NEDD4L: variants seen among roughly 807,000 people sequenced by gnomAD.
NEDD4L encodes the protein E3 ubiquitin-protein ligase NEDD4-like.
Under a neutral mutation model 148.9 loss-of-function variants are expected in NEDD4L, and 54 were observed. The observed-to-expected ratio is 0.36, with a 90% CI of 0.29 to 0.45. NEDD4L has a LOEUF of 0.45. Ranked by LOEUF, NEDD4L falls within the 20% of genes least tolerant of loss-of-function variation. The pLI is 1.00. For missense variants in NEDD4L, 856 were observed against 1,233.8 expected (o/e 0.69, Z 4.59); for synonymous variants, 433 against 440.7 (o/e 0.98, Z 0.22).
At chr18:58,093,569 A>G (rs544116749) in intron 1 of NEDD4L, among the ~76,000 whole-genome samples, 9 of 152,330 alleles carry the variant, frequency 5.9e-5, no homozygotes, top group African/African-American at 1.9e-4. Flanking sequence ...CCTTCAATTC[A>G]CTACTGTGCG....
chr18:58,224,468 G>C (rs1225832912), intron 2 of NEDD4L, among the ~76,000 whole-genome samples: 1 of 152,186 alleles, frequency 6.6e-6, no homozygotes, highest in Non-Finnish European at 1.5e-5. Flanking sequence ...AGGAAATGGC[G>C]TGGCAGGCTT....
intron 17 of NEDD4L, among the ~76,000 whole-genome samples, chr18:58,349,885 C>A (rs1408513428): frequency 6.6e-6 from 1 of 152,174 alleles, no homozygotes; most frequent in Non-Finnish European, 1.5e-5. Flanking sequence ...ACGTTCTCTG[C>A]AGGTGACAAT....
chr18:58,082,102 A>ATATATAT, intron 1 of NEDD4L, among the ~76,000 whole-genome samples: 35 of 48,830 alleles, frequency 7.2e-4, no homozygotes, highest in African/African-American at 4.3e-3. Flanking sequence ...ATATATATAT[A>ATATATAT]TTTTTTTTTT....
chr18:58,209,637 C>T (rs140810589), intron 2 of NEDD4L, among the ~76,000 whole-genome samples: 287 of 150,490 alleles, frequency 1.9e-3, no homozygotes, highest in African/African-American at 6.5e-3. Flanking sequence ...AAAAGACCTA[C>T]GTTCATTATT....
chr18:58,285,174 G>A (rs2053703601), intron 5 of NEDD4L, among the ~76,000 whole-genome samples: 2 of 152,136 alleles, frequency 1.3e-5, no homozygotes, highest in Admixed American at 1.3e-4. Flanking sequence ...GCTACTGCTT[G>A]TAAAGCCCTG....
chr18:58,130,637 T>C (rs2031944903), intron 1 of NEDD4L, among the ~76,000 whole-genome samples: 1 of 145,260 alleles, frequency 6.9e-6, no homozygotes, highest in Admixed American at 6.8e-5. Context: ...GGTGTTGGGC[T>C]CTGTTGGGGT....
intron 1 of NEDD4L, among the ~76,000 whole-genome samples, chr18:58,130,678 C>T (rs940958864): frequency 1.7e-4 from 21 of 126,572 alleles, no homozygotes; most frequent in Non-Finnish European, 3.1e-4. Context: ...AGAACAGTGG[C>T]GGTGTTGGGC....
At position 58,396,924 on chromosome 18, in the gene NEDD4L, A is replaced by T. The variant is rs186001803; in HGVS notation, c.*655A>T. 2.6e-5 allele frequency: 4 copies of T among 152,702 alleles called. No individual in the cohort carries two copies. The highest frequency in any genetic ancestry group is 9.6e-5 in the African/African-American group (4 of 41,544). 9.5% of individuals were successfully genotyped at this position (152,702 alleles called of 1,614,324 possible). On this transcript the variant is annotated 3_prime_UTR_variant, in exon 31 of 31. Coordinates refer to ENST00000400345, the MANE Select transcript of NEDD4L (RefSeq NM_001144967.3). ...TTCCATACTCAGAATGAAAAACTGG[A>T]TATTACGTTTTTGTTTTGGGGTTTT...
In NEDD4L at chr18:58,363,668, A is replaced by C. The variant is rs543446317; in HGVS notation, c.1768-600A>C. Among the ~76,000 whole-genome samples the C allele has an allele frequency of 1.1e-4, 16 of 152,328 alleles. No individual in the cohort carries two copies. The South Asian group carries it at 2.5e-3, about 24-fold the overall frequency. On this transcript the variant is annotated intron_variant, in intron 19 of 30. Coordinates refer to ENST00000400345, the MANE Select transcript of NEDD4L (RefSeq NM_001144967.3). Reference sequence around the variant, plus strand: ...GTACTATCACTCTATTTCATAGATAAAGCATTTGAGATTTAAAGAAATCCT... The same window carrying C: ...GTACTATCACTCTATTTCATAGATACAGCATTTGAGATTTAAAGAAATCCT...
intron 1 of NEDD4L, among the ~76,000 whole-genome samples, chr18:58,163,831 T>G (rs899666374): frequency 6.6e-6 from 1 of 152,172 alleles, no homozygotes; most frequent in Non-Finnish European, 1.5e-5. Flanking sequence ...ATGTTTGATC[T>G]ATGCAGCTAA....
intron 1 of NEDD4L, among the ~76,000 whole-genome samples, chr18:58,132,217 AGTT>A (rs2032255171): frequency 6.7e-6 from 1 of 149,282 alleles, no homozygotes; most frequent in Non-Finnish European, 1.5e-5. Flanking sequence ...ATCACTTGAA[AGTT>A]GTTGTTATTG....
intron 2 of NEDD4L, among the ~76,000 whole-genome samples, chr18:58,181,634 G>A (rs1352828527): frequency 6.6e-6 from 1 of 151,998 alleles, no homozygotes; most frequent in Non-Finnish European, 1.5e-5. Flanking sequence ...CAGGGATCTC[G>A]CTATATTGCC....
At chr18:58,378,753 T>A (rs1243279815) in intron 24 of NEDD4L, among the ~76,000 whole-genome samples, 4 of 151,926 alleles carry the variant, frequency 2.6e-5, no homozygotes, top group Non-Finnish European at 5.9e-5. Context: ...AAGAATGGAG[T>A]CTGACAAGCA....
chr18:58,195,368 G>A, intron 2 of NEDD4L: 3 of 1,188,458 alleles, frequency 2.5e-6, no homozygotes, highest in Non-Finnish European at 3.2e-6. Context: ...ATAGTCATTG[G>A]CTCTGCTGCC....
intron 2 of NEDD4L, among the ~76,000 whole-genome samples, chr18:58,210,695 T>C (rs1408755165): frequency 6.6e-6 from 1 of 152,182 alleles, no homozygotes; most frequent in East Asian, 1.9e-4. Flanking sequence ...AGTGTTATTT[T>C]TACTCTTCCA....
At chr18:58,263,490 T>C (rs1003676853) in intron 5 of NEDD4L, among the ~76,000 whole-genome samples, 7 of 152,222 alleles carry the variant, frequency 4.6e-5, no homozygotes, top group Admixed American at 3.9e-4. Context: ...TTATTAAGCA[T>C]GTTAAATACT....
intron 2 of NEDD4L, chr18:58,227,947 G>A (rs1333011844): frequency 1.6e-6 from 1 of 633,180 alleles, no homozygotes; most frequent in Non-Finnish European, 2.0e-6. Context: ...CCCCAAATTT[G>A]AGCAGTATTA....
rs2039125152 is a variant in NEDD4L at position 58,183,867 on chromosome 18, T to G, written c.122+18006T>G. Reference sequence around the variant, plus strand: ...TACAGCCTATTTTGTTTATTTTAACTTCCGCTGTTAAGACTTCTAAGGCCA... The same window carrying G: ...TACAGCCTATTTTGTTTATTTTAACGTCCGCTGTTAAGACTTCTAAGGCCA... On this transcript the variant is annotated intron_variant, in intron 2 of 30. Coordinates refer to ENST00000400345, the MANE Select transcript of NEDD4L (RefSeq NM_001144967.3). Among the ~76,000 whole-genome samples the G allele has an allele frequency of 2.0e-5, 3 of 152,352 alleles. No homozygotes were observed. The East Asian group carries it at 5.8e-4, about 29-fold the overall frequency.
chr18:58,316,327 C>T (rs974790399), intron 6 of NEDD4L, among the ~76,000 whole-genome samples: 1 of 152,238 alleles, frequency 6.6e-6, no homozygotes, highest in Non-Finnish European at 1.5e-5. Flanking sequence ...TCTTACAAAA[C>T]AGACACCTCC....
Sources: gnomAD v4.1 joint callset for allele counts (sites outside exome capture counted in the v4.1 genomes callset) on GRCh38, gnomAD v4.1.1 for gene constraint, MANE v1.5 for transcripts, NCBI Gene and HGNC (gene_info 2026-07-23, HGNC 2026-07-21) for gene names.